The following DMD variants were observed in gnomAD, a reference collection of about 807,000 sequenced individuals.
DMD encodes the protein mutant dystrophin.
Under a neutral mutation model 330.1 loss-of-function variants are expected in DMD, and 63 were observed. The observed-to-expected ratio is 0.19, with a 90% CI of 0.16 to 0.24. DMD has a LOEUF of 0.24. DMD is among the 10% of genes least tolerant of loss of function. The pLI, the probability that DMD is intolerant of heterozygous loss-of-function variation, is 1.00. For missense variants in DMD, 3,344 were observed against 2,684.1 expected, an observed-to-expected ratio of 1.25 and a Z score of -5.43; for synonymous variants, 1,223 against 959.8, an observed-to-expected ratio of 1.27 and a Z score of -5.07.
At chrX:32,661,332 C>T (rs1347739908) in intron 9 of DMD, among the ~76,000 whole-genome samples, 2 of 110,476 alleles carry the variant, frequency 1.8e-5, no homozygotes, top group African/African-American at 3.3e-5. Context: ...AAGCACTCCA[C>T]TAAATCATCT....
chrX:33,241,178 T>C (rs1027570715), intron 1 of DMD, among the ~76,000 whole-genome samples: 1 of 112,231 alleles, frequency 8.9e-6, no homozygotes, highest in Admixed American at 9.5e-5. Flanking sequence ...CTTCTGGTAG[T>C]CTTATAGTTT....
chrX:31,310,402 T>C (rs1009913051), intron 62 of DMD, among the ~76,000 whole-genome samples: 1 of 110,551 alleles, frequency 9.0e-6, no homozygotes, highest in Non-Finnish European at 1.9e-5. Flanking sequence ...TTTTTTTTTT[T>C]GGCAGAAAAG....
intron 55 of DMD, among the ~76,000 whole-genome samples, chrX:31,563,422 T>C (rs868042693): frequency 8.9e-6 from 1 of 112,315 alleles, no homozygotes. Context: ...ACTTGTCTTG[T>C]TTTGTGCTAA....
chrX:33,183,208 C>T (rs920440863), intron 1 of DMD, among the ~76,000 whole-genome samples: 2 of 111,627 alleles, frequency 1.8e-5, no homozygotes, highest in Admixed American at 9.5e-5. Flanking sequence ...AAAACAATTG[C>T]CTTTGGTAAC....
chrX:32,950,462 T>C (rs1315696396), intron 2 of DMD, among the ~76,000 whole-genome samples: 1 of 110,895 alleles, frequency 9.0e-6, no homozygotes, highest in Non-Finnish European at 1.9e-5. Flanking sequence ...GTTGGCACAT[T>C]GCAGGGGGAG....
chrX:32,645,449 A>T (rs2059721897), intron 9 of DMD, among the ~76,000 whole-genome samples: 1 of 112,163 alleles, frequency 8.9e-6, no homozygotes, highest in Non-Finnish European at 1.9e-5. Context: ...AAATGCTATA[A>T]ATATTGATCT....
intron 54 of DMD, among the ~76,000 whole-genome samples, chrX:31,631,447 G>C (rs936526429): frequency 1.8e-5 from 2 of 110,419 alleles, no homozygotes; most frequent in Admixed American, 1.9e-4. Flanking sequence ...GGAGAGTTGT[G>C]GGGTATAAAA....
intron 8 of DMD, 49 bp from the exon 9 acceptor site, chrX:32,698,047 A>G (rs1257183834): frequency 6.1e-6 from 7 of 1,144,337 alleles, no homozygotes; most frequent in South Asian, 1.9e-5. Flanking sequence ...GGGAAAAACC[A>G]TAAGTAACCC....
chrX:31,253,648 G>T (rs1280949944), intron 63 of DMD, among the ~76,000 whole-genome samples: 3 of 111,804 alleles, frequency 2.7e-5, no homozygotes, highest in Non-Finnish European at 3.8e-5. Flanking sequence ...TAATGATATT[G>T]ATGTATCTTT....
intron 7 of DMD, among the ~76,000 whole-genome samples, chrX:32,751,441 G>C (rs191424695): frequency 1.0e-3 from 117 of 111,712 alleles, no homozygotes; most frequent in Non-Finnish European, 2.0e-3. Flanking sequence ...CTTTGAGCTT[G>C]AGAGGGGTGA....
chrX:32,871,058 A>T (rs767485446), intron 2 of DMD, among the ~76,000 whole-genome samples: 4 of 108,602 alleles, frequency 3.7e-5, no homozygotes, highest in Non-Finnish European at 7.6e-5. Flanking sequence ...CATTAACAAA[A>T]CATTCTTCCC....
intron 50 of DMD, among the ~76,000 whole-genome samples, chrX:31,794,541 T>C (rs1333758650): frequency 8.9e-6 from 1 of 112,007 alleles, no homozygotes; most frequent in Non-Finnish European, 1.9e-5. Flanking sequence ...TGAGTGAAGA[T>C]GTTTTGAAAT....
chrX:32,532,454 A>G (rs770713285), intron 17 of DMD, among the ~76,000 whole-genome samples: 16 of 112,460 alleles, frequency 1.4e-4, no homozygotes, highest in Non-Finnish European at 2.6e-4. Context: ...CAACACCCTA[A>G]GCTAGGCTGT....
intron 11 of DMD, among the ~76,000 whole-genome samples, chrX:32,634,570 G>C (rs933116415): frequency 9.0e-6 from 1 of 111,590 alleles, no homozygotes; most frequent in Non-Finnish European, 1.9e-5. Context: ...CTGCCAGGAC[G>C]GGGTCCTTCT....
intron 15 of DMD, among the ~76,000 whole-genome samples, chrX:32,566,907 G>A (rs1376686240): frequency 8.9e-6 from 1 of 112,044 alleles, no homozygotes; most frequent in African/African-American, 3.2e-5. Flanking sequence ...ATATTTGGCA[G>A]CAAATACAAT....
intron 37 of DMD, among the ~76,000 whole-genome samples, chrX:32,355,790 A>T (rs1234708179): frequency 9.0e-6 from 1 of 111,372 alleles, no homozygotes; most frequent in Non-Finnish European, 1.9e-5. Flanking sequence ...TATTAGTTGT[A>T]AATATTACAT....
intron 1 of DMD, among the ~76,000 whole-genome samples, chrX:33,239,709 T>C (rs2052555298): frequency 1.8e-5 from 2 of 111,797 alleles, no homozygotes; most frequent in African/African-American, 6.5e-5. Flanking sequence ...TGGTTAAATC[T>C]AGCTAATTAA....
chrX:31,810,899 A>G (rs1302447342), intron 50 of DMD, among the ~76,000 whole-genome samples: 3 of 112,116 alleles, frequency 2.7e-5, no homozygotes, highest in African/African-American at 9.7e-5. Context: ...GATTTCAAGC[A>G]AAAGTCCTTT....
chrX:32,187,356 C>T (rs941063701), intron 44 of DMD, among the ~76,000 whole-genome samples: 1 of 111,263 alleles, frequency 9.0e-6, no homozygotes, highest in African/African-American at 3.3e-5. Flanking sequence ...TCACTGAATA[C>T]ATTTCTACCA....
Sources: allele counts gnomAD v4.1 joint callset (sites outside exome capture counted in the v4.1 genomes callset), GRCh38; gene constraint gnomAD v4.1.1; transcripts MANE v1.5; gene names NCBI Gene and HGNC (gene_info 2026-07-23, HGNC 2026-07-21).